The following MEGF10 variants were observed in gnomAD, a reference collection of about 807,000 sequenced individuals.
MEGF10 encodes multiple EGF like domains 10.
Under a neutral mutation model 147.5 loss-of-function variants are expected in MEGF10, and 86 were observed. That is an observed-to-expected ratio of 0.58 (90% CI 0.49 to 0.70). MEGF10 has a LOEUF of 0.70. MEGF10 is among the 30% of genes least tolerant of loss of function. The pLI is 0.00. For synonymous variants in MEGF10, 478 were observed against 525.5 expected (o/e 0.91, Z 1.24); for missense variants, 1,329 against 1,487.3 (o/e 0.89, Z 1.75).
the MEGF10 span, among the ~76,000 whole-genome samples, chr5:127,247,601 T>C: frequency 6.6e-6 from 1 of 152,108 alleles, no homozygotes; most frequent in Non-Finnish European, 1.5e-5. Context: ...GGATTTACCC[T>C]CACACTACAA....
chr5:127,418,099 G>A (rs1764847387), intron 10 of MEGF10, among the ~76,000 whole-genome samples: 2 of 152,238 alleles, frequency 1.3e-5, no homozygotes, highest in Middle Eastern at 3.4e-3. Flanking sequence ...ATTTTATTGT[G>A]TTTTATAGGT....
chr5:127,319,083 C>T (rs982212959), intron 1 of MEGF10, among the ~76,000 whole-genome samples: 2 of 130,786 alleles, frequency 1.5e-5, no homozygotes, highest in Admixed American at 8.4e-5. Flanking sequence ...CTTCCTTTCT[C>T]TCTTCCTTTC....
chr5:127,294,320 G>GTGGT, intron 1 of MEGF10, among the ~76,000 whole-genome samples: 1 of 152,310 alleles, frequency 6.6e-6, no homozygotes. Context: ...TCTTATACAA[G>GTGGT]TGGCTGGCCC....
At chr5:127,375,409 T>G (rs1271864536) in intron 5 of MEGF10, among the ~76,000 whole-genome samples, 1 of 152,194 alleles carries the variant, frequency 6.6e-6, no homozygotes, top group African/African-American at 2.4e-5. Flanking sequence ...ATTCTCTGTA[T>G]AAAAAACCAG....
chr5:127,433,779 T>C (rs1345605366), intron 14 of MEGF10, among the ~76,000 whole-genome samples: 1 of 152,256 alleles, frequency 6.6e-6, no homozygotes, highest in East Asian at 1.9e-4. Context: ...CATCAGGATA[T>C]ATTTCTTCAC....
intron 13 of MEGF10, among the ~76,000 whole-genome samples, chr5:127,429,625 G>C (rs1020230683): frequency 6.6e-6 from 1 of 152,142 alleles, no homozygotes; most frequent in African/African-American, 2.4e-5. Flanking sequence ...GAATTGGAGG[G>C]GAGTCTTCAT....
At chr5:127,356,796 T>C (rs1272382810) in intron 4 of MEGF10, among the ~76,000 whole-genome samples, 2 of 152,208 alleles carry the variant, frequency 1.3e-5, no homozygotes, top group Non-Finnish European at 2.9e-5. Flanking sequence ...TGTTGCATTA[T>C]CCAGTTAGTT....
At chr5:127,305,217 A>G (rs1401490997) in intron 1 of MEGF10, among the ~76,000 whole-genome samples, 1 of 152,228 alleles carries the variant, frequency 6.6e-6, no homozygotes, top group Non-Finnish European at 1.5e-5. Flanking sequence ...GGTGCTAATG[A>G]GCAGTGAAAT....
At chr5:127,326,674 C>T (rs368216259) in intron 1 of MEGF10, among the ~76,000 whole-genome samples, 23 of 152,278 alleles carry the variant, frequency 1.5e-4, no homozygotes, top group African/African-American at 4.8e-4. Context: ...TGAGTACATC[C>T]TTTATAGATA....
chr5:127,302,708 A>T (rs539691707), intron 1 of MEGF10, among the ~76,000 whole-genome samples: 1 of 152,346 alleles, frequency 6.6e-6, no homozygotes, highest in African/African-American at 2.4e-5. Context: ...GTGTGCTATG[A>T]GGCAAGCCTT....
rs138523651 is a variant in MEGF10 at position 127,331,280 on chromosome 5, C to G, written c.-18-11C>G. 7 of 1,408,138 alleles carry G rather than the reference C, an allele frequency of 5.0e-6. No homozygotes were observed. In the South Asian group the frequency reaches 8.2e-5, roughly 17 times the overall value. 87.2% of individuals were successfully genotyped at this position (1,408,138 alleles called of 1,614,324 possible). ...AATGCATTTCTAATTGGGATTTTTT[C>G]TTTCTTGTAGGTTGTTCTTCAGAAA... On this transcript the variant is annotated splice_polypyrimidine_tract_variant and intron_variant, in intron 1 of 24. Transcript: ENST00000503335.
intron 4 of MEGF10, among the ~76,000 whole-genome samples, chr5:127,366,470 T>C (rs1762658603): frequency 6.6e-6 from 1 of 152,214 alleles, no homozygotes; most frequent in Non-Finnish European, 1.5e-5. Flanking sequence ...ATCATTTAGA[T>C]CATTATTTGC....
the MEGF10 span, among the ~76,000 whole-genome samples, chr5:127,268,753 C>A: frequency 7.2e-5 from 11 of 152,342 alleles, no homozygotes; most frequent in South Asian, 2.3e-3. Context: ...GTTCTCCTAG[C>A]ACGGAGTTTG....
At chr5:127,343,515 C>T (rs758275903) in intron 4 of MEGF10, among the ~76,000 whole-genome samples, 4 of 152,088 alleles carry the variant, frequency 2.6e-5, no homozygotes, top group Non-Finnish European at 4.4e-5. Context: ...CGGCTGTCTT[C>T]GTTATCAAGT....
the MEGF10 span, among the ~76,000 whole-genome samples, chr5:127,272,409 G>A: frequency 6.6e-6 from 1 of 152,082 alleles, no homozygotes; most frequent in Non-Finnish European, 1.5e-5. Flanking sequence ...TGGCTACTCA[G>A]GCTCTTTTTG....
At chr5:127,323,845 G>A (rs1053804924) in intron 1 of MEGF10, among the ~76,000 whole-genome samples, 2 of 152,134 alleles carry the variant, frequency 1.3e-5, no homozygotes, top group African/African-American at 4.8e-5. Context: ...TCCCAAGATG[G>A]ATCACTCACA....
rs1001345399 is a variant in MEGF10 at position 127,323,012 on chromosome 5, ACATATATATG to A, written c.-18-8269_-18-8260del. 4.9e-4 allele frequency among the ~76,000 whole-genome samples: 74 copies of A among 152,178 alleles called. No homozygotes were observed. In the South Asian group the frequency reaches 7.5e-3, roughly 15 times the overall value. Reference sequence around the variant, plus strand: ...ACGCACAAACACACACATTGCATATACATATATATGCATATATATATGTATATGCACAGGC... The same window carrying A: ...ACGCACAAACACACACATTGCATATACATATATATATGTATATGCACAGGC... On this transcript the variant is annotated intron_variant, in intron 1 of 24. Transcript: ENST00000503335.
At chr5:127,285,006 T>C in the MEGF10 span, among the ~76,000 whole-genome samples, 4 of 152,190 alleles carry the variant, frequency 2.6e-5, no homozygotes, top group Admixed American at 6.5e-5. Context: ...AAATATCTCA[T>C]AAAATCCTTG....
chr5:127,324,076 A>G (rs1246746492), intron 1 of MEGF10, among the ~76,000 whole-genome samples: 2 of 152,206 alleles, frequency 1.3e-5, no homozygotes, highest in African/African-American at 2.4e-5. Context: ...GGGCTTACAC[A>G]GGCAGGGATC....
Sources: gnomAD v4.1 joint callset for allele counts (sites outside exome capture counted in the v4.1 genomes callset) on GRCh38, gnomAD v4.1.1 for gene constraint, MANE v1.5 for transcripts, NCBI Gene and HGNC (gene_info 2026-07-23, HGNC 2026-07-21) for gene names.